DISC1: variants seen among roughly 807,000 people sequenced by gnomAD.
DISC1 encodes DISC1 scaffold protein.
DISC1 carries 57 observed loss-of-function variants against 84.5 expected under a neutral mutation model. The ratio of observed to expected loss-of-function variants is 0.67; its 90% CI spans 0.55 to 0.84. DISC1 has a LOEUF of 0.84. DISC1 is among the 40% of genes least tolerant of loss of function. The probability of loss-of-function intolerance (pLI) is 0.00; values close to 1 mark genes in which losing one functional copy is unlikely to be tolerated. For synonymous variants in DISC1, 411 were observed against 415.2 expected, an observed-to-expected ratio of 0.99 and a Z score of 0.12; for missense variants, 1,000 against 1,057.8, an observed-to-expected ratio of 0.95 and a Z score of 0.76.
chr1:231,824,487 G>C (rs1287057657), intron 9 of DISC1, among the ~76,000 whole-genome samples: 1 of 152,094 alleles, frequency 6.6e-6, no homozygotes, highest in Non-Finnish European at 1.5e-5. Flanking sequence ...GACTAAATCT[G>C]TTTGTGTTTT....
In DISC1 at chr1:231,991,636, CTG is replaced by C. The variant is rs1665216072; in HGVS notation, c.2043-17146_2043-17145del. Among the ~76,000 whole-genome samples, 3 of 152,144 alleles carry C rather than the reference CTG, an allele frequency of 2.0e-5. No homozygotes were observed. The South Asian group carries it at 6.2e-4, about 31-fold the overall frequency. ...GAATGTTTAGCACCAAAGTTAAGGA[CTG>C]TGCATGCTTTGGCAGAATTACAAAA... On this transcript the variant is annotated intron_variant, in intron 10 of 12. Coordinates refer to ENST00000439617, the MANE Select transcript of DISC1 (RefSeq NM_018662.3).
At chr1:231,925,018 C>T (rs1157085077) in intron 9 of DISC1, among the ~76,000 whole-genome samples, 2 of 144,418 alleles carry the variant, frequency 1.4e-5, no homozygotes. Flanking sequence ...CAGCATTTGT[C>T]TTATGGATAA....
intron 1 of DISC1, among the ~76,000 whole-genome samples, chr1:231,641,295 G>A (rs1384280331): frequency 6.6e-6 from 1 of 152,114 alleles, no homozygotes; most frequent in Non-Finnish European, 1.5e-5. Context: ...TCTGATGTTC[G>A]GATGTGTTCG....
chr1:231,910,422 T>G (rs1011547238), intron 9 of DISC1, among the ~76,000 whole-genome samples: 1 of 152,226 alleles, frequency 6.6e-6, no homozygotes, highest in African/African-American at 2.4e-5. Context: ...CTGCCTTCAT[T>G]TCGTTATGTA....
Position 231,666,055 on chromosome 1 carries a change from A to G in DISC1, c.68-27771A>G, listed in dbSNP as rs576953132. On this transcript the variant is annotated intron_variant, in intron 1 of 12. Coordinates refer to ENST00000439617, the MANE Select transcript of DISC1 (RefSeq NM_018662.3). ...TGCTTAGAAAGGAAAGGAATAGTCC[A>G]TATGTGGTCTTAGTAGGACAGGGAA... Among the ~76,000 whole-genome samples, 5 of 152,308 alleles carry G rather than the reference A, an allele frequency of 3.3e-5. No individual in the cohort carries two copies. In the South Asian group the frequency reaches 1.0e-3, roughly 32 times the overall value.
intron 9 of DISC1, among the ~76,000 whole-genome samples, chr1:231,904,533 G>A (rs2088472926): frequency 6.6e-6 from 1 of 152,124 alleles, no homozygotes; most frequent in South Asian, 2.1e-4. Flanking sequence ...GAGTAAAACT[G>A]GAGTATTGCT....
chr1:231,661,945 TTTG>T (rs1349550177), intron 1 of DISC1, among the ~76,000 whole-genome samples: 1 of 152,180 alleles, frequency 6.6e-6, no homozygotes, highest in Non-Finnish European at 1.5e-5. Flanking sequence ...TGTTGATCTT[TTTG>T]TTGTTGTTGT....
chr1:232,004,887 T>A (rs147076076), intron 10 of DISC1, among the ~76,000 whole-genome samples: 1 of 100,126 alleles, frequency 1.0e-5, no homozygotes, highest in African/African-American at 4.3e-5. Flanking sequence ...CTCCCTCCCT[T>A]CCTTCCTTCC....
In DISC1 at chr1:232,026,491, G is replaced by A. The variant is rs1345560372; in HGVS notation, c.2364G>A (p.Lys788=). ...AAAAGTGTGAAGACATAGGCAAGAAGCTATTGTACTTGGAAGATCAACTTC... is the reference window on the plus strand; with the variant it reads ...AAAAGTGTGAAGACATAGGCAAGAAACTATTGTACTTGGAAGATCAACTTC... The part of the protein sequence containing the change: ...LGEKCEDIGK[K]LLYLEDQLHT... The change falls in exon 12 of 13, where the codon AAG becomes AAA. Residue 788 remains lysine, a synonymous_variant. Transcript: ENST00000439617. 2 of 1,608,990 alleles carry A rather than the reference G, an allele frequency of 1.2e-6. No homozygotes were observed. Among genetic ancestry groups the A allele is most frequent in the South Asian group, 1.1e-5 (1 of 89,564 alleles).
chr1:231,734,818 A>G (rs547735161), intron 3 of DISC1, among the ~76,000 whole-genome samples: 18 of 152,314 alleles, frequency 1.2e-4, no homozygotes, highest in Non-Finnish European at 2.2e-4. Flanking sequence ...TTTTCCTTTC[A>G]TATCACAACA....
intron 10 of DISC1, among the ~76,000 whole-genome samples, chr1:231,996,538 A>G (rs35344526): frequency 0.01 from 1,583 of 152,280 alleles, 16 homozygotes; most frequent in Non-Finnish European, 0.015. Context: ...TTAAGTGAAC[A>G]TATTAATAAA....
At chr1:231,870,363 AG>A (rs1392186821) in intron 9 of DISC1, among the ~76,000 whole-genome samples, 1 of 152,242 alleles carries the variant, frequency 6.6e-6, no homozygotes, top group Non-Finnish European at 1.5e-5. Flanking sequence ...GCTAGGCAAA[AG>A]GTTCTAATTA....
intron 11 of DISC1, among the ~76,000 whole-genome samples, chr1:232,023,962 T>C (rs1669198429): frequency 1.3e-5 from 2 of 152,004 alleles, no homozygotes; most frequent in Non-Finnish European, 2.9e-5. Flanking sequence ...TACACTTCTG[T>C]GTAATCTCCT....
At chr1:231,997,654 A>G (rs1666128788) in intron 10 of DISC1, among the ~76,000 whole-genome samples, 2 of 152,206 alleles carry the variant, frequency 1.3e-5, no homozygotes, top group South Asian at 4.1e-4. Context: ...GCAGATGGCC[A>G]GGATTTCAGC....
intron 2 of DISC1, among the ~76,000 whole-genome samples, 164 bp downstream of exon 2, chr1:231,694,969 T>G (rs2065461127): frequency 6.6e-6 from 1 of 152,222 alleles, no homozygotes; most frequent in South Asian, 2.1e-4. Context: ...CACTTCTGTC[T>G]CTTTGAATTG....
chr1:231,739,558 G>A (rs557811059), intron 3 of DISC1, among the ~76,000 whole-genome samples: 5 of 152,162 alleles, frequency 3.3e-5, no homozygotes, highest in South Asian at 2.1e-4. Context: ...CAATGGGGCC[G>A]CTCACTGCCA....
chr1:231,684,901 G>A (rs897761818), intron 1 of DISC1: 1 of 152,182 alleles, frequency 6.6e-6, no homozygotes, highest in African/African-American at 2.4e-5. Context: ...AACTCCTGGT[G>A]GCCTGCAGAC....
In DISC1 at chr1:231,908,769, C is replaced by T. The variant is rs182660357; in HGVS notation, c.1982-50059C>T. Reference sequence around the variant, plus strand: ...TATAAATTACCTTGGGCAGTATGGCCATTTTCGCGATATTGATTCTTCCTA... The same window carrying T: ...TATAAATTACCTTGGGCAGTATGGCTATTTTCGCGATATTGATTCTTCCTA... On this transcript the variant is annotated intron_variant, in intron 9 of 12. Coordinates refer to ENST00000439617, the MANE Select transcript of DISC1 (RefSeq NM_018662.3). 2.5e-4 allele frequency among the ~76,000 whole-genome samples: 38 copies of T among 152,272 alleles called. 1 individual carries two copies. In the East Asian group the frequency reaches 6.7e-3, roughly 27 times the overall value.
chr1:231,849,424 C>A (rs2083711326), intron 9 of DISC1, among the ~76,000 whole-genome samples: 1 of 152,096 alleles, frequency 6.6e-6, no homozygotes, highest in Admixed American at 6.6e-5. Context: ...CTGGCCTATC[C>A]TCATTTTACA....
Sources: gnomAD v4.1 joint callset for allele counts (sites outside exome capture counted in the v4.1 genomes callset) on GRCh38, gnomAD v4.1.1 for gene constraint, MANE v1.5 for transcripts, NCBI Gene and HGNC (gene_info 2026-07-23, HGNC 2026-07-21) for gene names.